The following RNF130 variants were observed in gnomAD, a reference collection of about 807,000 sequenced individuals.
RNF130 encodes the protein E3 ubiquitin-protein ligase RNF130.
A neutral mutation model predicts 44.6 loss-of-function variants in RNF130; 21 were observed. The ratio of observed to expected loss-of-function variants is 0.47; its 90% CI spans 0.33 to 0.68. The LOEUF (loss-of-function observed/expected upper bound fraction) is 0.68, where lower values mean the gene tolerates loss of function less well. RNF130 is among the 30% of genes least tolerant of loss of function. The pLI is 0.02. For missense variants in RNF130, 479 were observed against 560.6 expected (o/e 0.85, Z 1.47); for synonymous variants, 214 against 210.4 (o/e 1.02, Z -0.15).
chr5:180,027,933 G>A (rs918816549), intron 2 of RNF130, among the ~76,000 whole-genome samples: 3 of 152,210 alleles, frequency 2.0e-5, no homozygotes, highest in South Asian at 2.1e-4. Flanking sequence ...AGCTTAGGCC[G>A]CATCAACCTC....
intron 2 of RNF130, among the ~76,000 whole-genome samples, chr5:180,022,598 A>G (rs1241528781): frequency 6.6e-6 from 1 of 152,188 alleles, no homozygotes; most frequent in Admixed American, 6.5e-5. Flanking sequence ...TAATGTTTGG[A>G]AGCCACGGCA....
intron 3 of RNF130, among the ~76,000 whole-genome samples, chr5:179,987,918 G>A (rs1295039705): frequency 6.6e-6 from 1 of 152,170 alleles, no homozygotes; most frequent in Non-Finnish European, 1.5e-5. Flanking sequence ...ACATTGGCCT[G>A]CCATTTTCTT....
downstream of RNF130, among the ~76,000 whole-genome samples, chr5:179,953,305 C>CTT (rs546197845): frequency 2.5e-4 from 35 of 141,674 alleles, no homozygotes; most frequent in African/African-American, 5.7e-4. Flanking sequence ...AAAATCCTAG[C>CTT]TTTTTTTTTT....
intron 7 of RNF130, among the ~76,000 whole-genome samples, chr5:179,934,517 G>T (rs1761859098): frequency 6.9e-6 from 1 of 144,308 alleles, no homozygotes; most frequent in African/African-American, 2.5e-5. Flanking sequence ...ACAACTTCGT[G>T]TTTGGTTGAT....
At chr5:180,001,855 A>C (rs1354132168) in intron 3 of RNF130, among the ~76,000 whole-genome samples, 2 of 152,200 alleles carry the variant, frequency 1.3e-5, no homozygotes, top group Admixed American at 1.3e-4. Flanking sequence ...AGACTAGTAC[A>C]GGTTCAAGCA....
At chr5:179,959,495 GCGGGTGC>G (rs1762279239) in intron 8 of RNF130, among the ~76,000 whole-genome samples, 1 of 152,080 alleles carries the variant, frequency 6.6e-6, no homozygotes, top group African/African-American at 2.4e-5. Context: ...GGGCGTGGTG[GCGGGTGC>G]CTGTAATCCC....
intron 2 of RNF130, among the ~76,000 whole-genome samples, chr5:180,036,517 T>C (rs1764253072): frequency 6.6e-6 from 1 of 152,250 alleles, no homozygotes. Context: ...AGCACCCTGC[T>C]AAACCACAAA....
At position 179,923,759 on chromosome 5, in the gene RNF130, G is replaced by A. The variant is rs1224575998; in HGVS notation, c.1151-3333C>T. On this transcript the variant is annotated intron_variant, in intron 7 of 7. Transcript: ENST00000522208. The stretch of plus-strand genomic sequence containing the variant: ...TGAACCTATTTCGGTCCTGGGGGCT[G>A]CCCAATTCTTCAATCACTCTTGCTC... 1.3e-5 allele frequency among the ~76,000 whole-genome samples: 2 copies of A among 152,168 alleles called. 1 individual carries two copies. Among genetic ancestry groups the A allele is most frequent in the East Asian group, 3.8e-4 (2 of 5,196 alleles).
chr5:180,035,433 C>T (rs760482686), intron 2 of RNF130, among the ~76,000 whole-genome samples: 27 of 152,092 alleles, frequency 1.8e-4, no homozygotes, highest in African/African-American at 2.4e-4. Context: ...ATGGTCTATC[C>T]GAGAGAATGC....
At chr5:179,967,353 C>T (rs1350380912) in intron 6 of RNF130, among the ~76,000 whole-genome samples, 1 of 152,200 alleles carries the variant, frequency 6.6e-6, no homozygotes, top group Non-Finnish European at 1.5e-5. Context: ...TATTACTTTG[C>T]TTCATGGTAA....
intron 3 of RNF130, among the ~76,000 whole-genome samples, chr5:180,000,325 T>G (rs1763303619): frequency 6.6e-6 from 1 of 152,220 alleles, no homozygotes. Context: ...TCTTGCTGTT[T>G]TGTGAACTCT....
At chr5:180,047,008 TTC>T (rs35328290) in intron 1 of RNF130, among the ~76,000 whole-genome samples, 84,667 of 151,600 alleles carry the variant, frequency 0.56, 24,013 homozygotes, top group South Asian at 0.73. Context: ...TGGCAAAGAG[TTC>T]TCTGTTTCAC....
chr5:179,953,621 T>C (rs1292174496), downstream of RNF130, among the ~76,000 whole-genome samples: 3 of 152,140 alleles, frequency 2.0e-5, no homozygotes, highest in African/African-American at 7.2e-5. Context: ...TATACAAACA[T>C]TAACTCAAAA....
downstream of RNF130, chr5:179,955,033 A>C (rs1189552684): frequency 6.6e-6 from 1 of 152,252 alleles, no homozygotes; most frequent in Non-Finnish European, 1.5e-5. Flanking sequence ...TACTAATTAG[A>C]TGTGGTTTGG....
chr5:180,053,773 G>A (rs928499458), intron 1 of RNF130, among the ~76,000 whole-genome samples: 6 of 151,518 alleles, frequency 4.0e-5, no homozygotes, highest in African/African-American at 9.7e-5. Flanking sequence ...CAACAAGCAC[G>A]GCTACATGAC....
intron 5 of RNF130, among the ~76,000 whole-genome samples, chr5:179,973,759 A>G (rs1406905940): frequency 6.6e-6 from 1 of 152,168 alleles, no homozygotes; most frequent in East Asian, 1.9e-4. Context: ...CTCACGTGAT[A>G]AAAACACACA....
At position 179,969,977 on chromosome 5, in the gene RNF130, G is replaced by A. The variant is rs577525937; in HGVS notation, c.945+433C>T. ...TTGTACTCCAGCTTGGGCAACAAGA[G>A]CAAAACTCCCTCTCAAAAAAACAAA... On this transcript the variant is annotated intron_variant, in intron 6 of 8. Coordinates refer to ENST00000521389, the MANE Select transcript of RNF130 (RefSeq NM_018434.6). Among the ~76,000 whole-genome samples the A allele has an allele frequency of 2.0e-5, 3 of 152,154 alleles. 1 individual carries two copies. Among genetic ancestry groups the A allele is most frequent in the Admixed American group, 2.0e-4 (3 of 15,286 alleles).
At chr5:179,946,885 C>A (rs1762050814) in intron 7 of RNF130, among the ~76,000 whole-genome samples, 1 of 152,268 alleles carries the variant, frequency 6.6e-6, no homozygotes, top group African/African-American at 2.4e-5. Flanking sequence ...GCTGGGTTTG[C>A]CTTTATCTTT....
At chr5:180,004,350 C>T (rs971675831) in intron 3 of RNF130, among the ~76,000 whole-genome samples, 7 of 152,148 alleles carry the variant, frequency 4.6e-5, no homozygotes, top group African/African-American at 1.7e-4. Flanking sequence ...TCATCACACA[C>T]AGAATGTTAG....
Sources: allele counts gnomAD v4.1 joint callset (sites outside exome capture counted in the v4.1 genomes callset), GRCh38; gene constraint gnomAD v4.1.1; transcripts MANE v1.5; gene names NCBI Gene and HGNC (gene_info 2026-07-23, HGNC 2026-07-21).